Variants in LTBP1 observed in about 807,000 individuals in gnomAD.
The protein encoded by LTBP1 is latent-transforming growth factor beta-binding protein 1.
A neutral mutation model predicts 207.6 loss-of-function variants in LTBP1; 129 were observed. The ratio of observed to expected loss-of-function variants is 0.62; its 90% CI spans 0.54 to 0.72. The LOEUF (loss-of-function observed/expected upper bound fraction) is 0.72. Ranked by LOEUF, LTBP1 falls within the 30% of genes least tolerant of loss-of-function variation. LTBP1 has a pLI of 0.00. For missense variants in LTBP1, 2,281 were observed against 2,217.2 expected (o/e 1.03, Z -0.58); for synonymous variants, 963 against 833.7 (o/e 1.16, Z -2.67).
Position 33,011,109 on chromosome 2 carries a change from A to G in LTBP1, c.566-9800A>G, listed in dbSNP as rs139799750. 4.2e-4 allele frequency among the ~76,000 whole-genome samples: 64 copies of G among 152,250 alleles called. No individual in the cohort carries two copies. In the East Asian group the frequency reaches 0.012, roughly 28 times the overall value. The stretch of plus-strand genomic sequence containing the variant: ...ACTGCAGTGGACATATTTGCATACA[A>G]AATTCCCTAGATTAGGAATGACAAG... On this transcript the variant is annotated intron_variant, in intron 2 of 33. Coordinates refer to ENST00000404816, the MANE Select transcript of LTBP1 (RefSeq NM_206943.4).
At chr2:33,393,355 A>C (rs1459771950) in intron 32 of LTBP1, among the ~76,000 whole-genome samples, 1 of 149,800 alleles carries the variant, frequency 6.7e-6, no homozygotes, top group African/African-American at 2.5e-5. Flanking sequence ...GTTTTGTTAC[A>C]TATGTATACA....
intron 5 of LTBP1, among the ~76,000 whole-genome samples, chr2:33,149,243 A>C (rs907827459): frequency 2.8e-4 from 42 of 149,268 alleles, no homozygotes; most frequent in Non-Finnish European, 5.2e-4. Flanking sequence ...AAAAAAAAAA[A>C]AAAAAAAAAA....
chr2:33,263,238 T>C, intron 14 of LTBP1, 56 bp from the exon 15 acceptor site: 2 of 993,006 alleles, frequency 2.0e-6, no homozygotes, highest in Admixed American at 1.8e-5. Context: ...TGAAATGGGA[T>C]CTCAATGCAC....
At chr2:33,256,665 C>G (rs1314405676) in intron 11 of LTBP1, among the ~76,000 whole-genome samples, 2 of 126,708 alleles carry the variant, frequency 1.6e-5, no homozygotes, top group Non-Finnish European at 1.7e-5. Flanking sequence ...AATATATAAC[C>G]TAATATGATA....
At chr2:33,374,136 T>A (rs1443988399) in intron 31 of LTBP1, among the ~76,000 whole-genome samples, 1 of 152,186 alleles carries the variant, frequency 6.6e-6, no homozygotes, top group Admixed American at 6.5e-5. Flanking sequence ...ATATTGTAAC[T>A]GGGCCATAGT....
At chr2:32,953,754 C>T (rs1388867247) in intron 2 of LTBP1, among the ~76,000 whole-genome samples, 1 of 152,190 alleles carries the variant, frequency 6.6e-6, no homozygotes, top group Non-Finnish European at 1.5e-5. Context: ...AGACCTTTGA[C>T]AACCACAGGG....
intron 7 of LTBP1, among the ~76,000 whole-genome samples, chr2:33,206,717 C>T (rs571664982): frequency 6.2e-4 from 88 of 141,636 alleles, no homozygotes; most frequent in African/African-American, 2.3e-3. Context: ...CCAGCCTGGG[C>T]GACAGAGCAA....
At chr2:33,155,016 T>C (rs2083853136) in intron 5 of LTBP1, among the ~76,000 whole-genome samples, 1 of 152,154 alleles carries the variant, frequency 6.6e-6, no homozygotes, top group Non-Finnish European at 1.5e-5. Flanking sequence ...TGAGCCGAGA[T>C]CATGCCATTG....
At chr2:33,186,578 A>G (rs955414681) in intron 5 of LTBP1, among the ~76,000 whole-genome samples, 3 of 152,192 alleles carry the variant, frequency 2.0e-5, no homozygotes, top group African/African-American at 7.2e-5. Flanking sequence ...GCTACTGTAT[A>G]TACACACTCT....
chr2:33,060,555 A>AT (rs1210891738), intron 3 of LTBP1, among the ~76,000 whole-genome samples: 2 of 138,648 alleles, frequency 1.4e-5, no homozygotes, highest in African/African-American at 5.4e-5. Context: ...TTTGGGGGGG[A>AT]TGTGTGTGTA....
chr2:33,086,776 G>T (rs2078777491), intron 3 of LTBP1, among the ~76,000 whole-genome samples: 1 of 151,668 alleles, frequency 6.6e-6, no homozygotes. Flanking sequence ...CGTGATTTCT[G>T]TTGGCTCAGT....
intron 2 of LTBP1, among the ~76,000 whole-genome samples, chr2:33,002,426 T>C (rs1401199828): frequency 6.6e-6 from 1 of 152,216 alleles, no homozygotes; most frequent in East Asian, 1.9e-4. Flanking sequence ...GCTGGCTGGC[T>C]GCTTTAGGAT....
Position 33,398,740 on chromosome 2 carries a change from C to G in LTBP1, c.*195C>G. 1 of 476,852 alleles carries G rather than the reference C, an allele frequency of 2.1e-6. No homozygotes were observed. The highest frequency in any genetic ancestry group is 3.7e-6 in the Non-Finnish European group (1 of 271,948). 29.5% of individuals were successfully genotyped at this position (476,852 alleles called of 1,614,324 possible). A position where few individuals can be genotyped will look rare whatever the true frequency, so the allele number is the denominator to read the frequency against. On this transcript the variant is annotated 3_prime_UTR_variant, in exon 34 of 34. Transcript: ENST00000404816. ...GGTGTGGCAGACCAAATGGACATTT[C>G]TCTAAAAAACCAGTATATATAGTCT... is the stretch of plus-strand genomic sequence containing the variant.
chr2:33,049,203 T>A (rs536283192), intron 3 of LTBP1, among the ~76,000 whole-genome samples: 1 of 152,310 alleles, frequency 6.6e-6, no homozygotes, highest in African/African-American at 2.4e-5. Flanking sequence ...CTTAAAAATA[T>A]TGGAAACAAA....
At chr2:32,957,576 A>G (rs539750047) in intron 2 of LTBP1, among the ~76,000 whole-genome samples, 26 of 152,298 alleles carry the variant, frequency 1.7e-4, no homozygotes, top group African/African-American at 6.0e-4. Context: ...AACAATTACA[A>G]TGGTAACATG....
At chr2:33,274,374 A>C (rs1405560255) in intron 16 of LTBP1, among the ~76,000 whole-genome samples, 3 of 152,036 alleles carry the variant, frequency 2.0e-5, no homozygotes, top group Non-Finnish European at 4.4e-5. Context: ...TCAGCACTAA[A>C]TTATGAGGCC....
chr2:33,332,543 T>C (rs1294660793), intron 24 of LTBP1, among the ~76,000 whole-genome samples: 3 of 151,592 alleles, frequency 2.0e-5, no homozygotes, highest in African/African-American at 7.3e-5. Flanking sequence ...AAAAATGAAA[T>C]TATATACTTT....
At chr2:33,033,706 G>C (rs1346584740) in intron 3 of LTBP1, among the ~76,000 whole-genome samples, 1 of 151,802 alleles carries the variant, frequency 6.6e-6, no homozygotes. Flanking sequence ...TTTGTATGGA[G>C]ACGCTGCCTC....
intron 31 of LTBP1, 123 bp downstream of exon 31, chr2:33,365,626 C>CATGTGT: frequency 1.3e-5 from 9 of 711,152 alleles, no homozygotes; most frequent in South Asian, 1.2e-4. Context: ...ACTTTCATCC[C>CATGTGT]GTGTGTGTGT....
Sources: allele counts gnomAD v4.1 joint callset (sites outside exome capture counted in the v4.1 genomes callset), GRCh38; gene constraint gnomAD v4.1.1; transcripts MANE v1.5; gene names NCBI Gene and HGNC (gene_info 2026-07-23, HGNC 2026-07-21).